HFM1: variants seen among roughly 807,000 people sequenced by gnomAD.
HFM1 encodes helicase for meiosis 1.
A neutral mutation model predicts 192.1 loss-of-function variants in HFM1; 169 were observed. The observed-to-expected ratio is 0.88, with a 90% CI of 0.78 to 1.00. HFM1 has a LOEUF of 1.00. Among genes scored for constraint, HFM1 ranks in the 50% least tolerant of loss-of-function variants. HFM1 has a pLI of 0.00. For synonymous variants in HFM1, 525 were observed against 537.8 expected (o/e 0.98, Z 0.33); for missense variants, 1,661 against 1,668.0 (o/e 1.00, Z 0.07).
intron 13 of HFM1, among the ~76,000 whole-genome samples, chr1:91,363,401 G>GAC (rs200498676): frequency 1.8e-3 from 1 of 564 alleles, no homozygotes; most frequent in African/African-American, 2.8e-3. Context: ...TTCAAAAGAT[G>GAC]ACACACGTGG....
chr1:91,308,856 AG>A (rs1650026549), intron 30 of HFM1, among the ~76,000 whole-genome samples: 1 of 152,206 alleles, frequency 6.6e-6, no homozygotes, highest in South Asian at 2.1e-4. Context: ...AAACATGGTG[AG>A]TGGCTGATCA....
At chr1:91,371,273 C>T (rs1315244324) in intron 13 of HFM1, among the ~76,000 whole-genome samples, 2 of 149,666 alleles carry the variant, frequency 1.3e-5, no homozygotes, top group Non-Finnish European at 3.0e-5. Context: ...AAAAAGAGCC[C>T]GCATTGCCAA....
At chr1:91,347,950 CA>C (rs1485788312) in intron 18 of HFM1, among the ~76,000 whole-genome samples, 1 of 152,030 alleles carries the variant, frequency 6.6e-6, no homozygotes, top group Non-Finnish European at 1.5e-5. Flanking sequence ...TTCCTTTCAT[CA>C]AAAGATTTAT....
intron 32 of HFM1, among the ~76,000 whole-genome samples, chr1:91,276,252 G>A (rs281960): frequency 1 from 152,079 of 152,260 alleles, 75,949 homozygotes; most frequent in Non-Finnish European, 1. Context: ...TACCTTTTCT[G>A]TCTAAACTTA....
At chr1:91,303,179 T>A (rs758414188) in intron 30 of HFM1, among the ~76,000 whole-genome samples, 2 of 152,164 alleles carry the variant, frequency 1.3e-5, no homozygotes, top group Non-Finnish European at 2.9e-5. Context: ...CATTCCTCAT[T>A]TATTCCTGCC....
At chr1:91,365,834 T>C (rs1202404029) in intron 13 of HFM1, among the ~76,000 whole-genome samples, 4 of 152,064 alleles carry the variant, frequency 2.6e-5, no homozygotes, top group Non-Finnish European at 2.9e-5. Context: ...GGTGAGATGA[T>C]TGATTCTCAC....
chr1:91,345,770 T>C (rs1232114948), intron 19 of HFM1, among the ~76,000 whole-genome samples: 2 of 152,146 alleles, frequency 1.3e-5, no homozygotes, highest in African/African-American at 4.8e-5. Context: ...GGTGGAATGG[T>C]CCTGTCTCAT....
chr1:91,385,164 A>C, intron 6 of HFM1, 23 bp downstream of exon 6: 1 of 1,351,320 alleles, frequency 7.4e-7, no homozygotes, highest in South Asian at 1.3e-5. Context: ...CAAAGCAGCT[A>C]TTGTAAATAA....
chr1:91,306,349 CA>C, intron 30 of HFM1, among the ~76,000 whole-genome samples: 1 of 152,236 alleles, frequency 6.6e-6, no homozygotes, highest in Non-Finnish European at 1.5e-5. Flanking sequence ...AAAAACAAAA[CA>C]AAACAAAAGA....
chr1:91,319,297 T>G lies in HFM1; in HGVS notation c.2676A>C (p.Thr892=), dbSNP rs373767198. 4 of 1,608,638 alleles carry G rather than the reference T, an allele frequency of 2.5e-6. No homozygotes were observed. The highest frequency in any genetic ancestry group is 3.4e-6 in the Non-Finnish European group (4 of 1,175,218). The change falls in exon 24 of 39, where the codon ACA becomes ACC. Residue 892 remains threonine (T), a synonymous_variant. Coordinates refer to ENST00000370425, the MANE Select transcript of HFM1 (RefSeq NM_001017975.6). ...TCCACTAATCCTGTAACATACATCTTGTAATTCGGGAGCCATGTCTGAAAA... is the reference window on the plus strand; with the variant it reads ...TCCACTAATCCTGTAACATACATCTGGTAATTCGGGAGCCATGTCTGAAAA... ...AKIFRHGSRI[T]RWLSDFVAAQ... is the part of the protein sequence containing the mutation.
intron 20 of HFM1, chr1:91,329,251 A>G (rs1653438173): frequency 3.1e-6 from 5 of 1,609,584 alleles, no homozygotes; most frequent in Non-Finnish European, 2.5e-6. Flanking sequence ...CTGGGCCCAG[A>G]GTCTGTGGAG....
chr1:91,398,047 C>T (rs2102185501), intron 2 of HFM1, among the ~76,000 whole-genome samples: 1 of 152,338 alleles, frequency 6.6e-6, no homozygotes, highest in African/African-American at 2.4e-5. Context: ...TAGTAAGCCA[C>T]TGTTGTCAGT....
At chr1:91,313,644 TATG>T (rs1469594901) in intron 29 of HFM1, 149 bp from the exon 30 acceptor site, 11 of 454,708 alleles carry the variant, frequency 2.4e-5, no homozygotes, top group South Asian at 1.0e-4. Flanking sequence ...GGTTAAAAAA[TATG>T]ACAACTAAAA....
intron 4 of HFM1, among the ~76,000 whole-genome samples, chr1:91,393,809 T>G (rs1000601228): frequency 2.0e-5 from 3 of 152,184 alleles, no homozygotes; most frequent in Non-Finnish European, 2.9e-5. Context: ...CAAACTTTTG[T>G]GTGCATAATA....
intron 13 of HFM1, among the ~76,000 whole-genome samples, chr1:91,358,809 G>A (rs1341802858): frequency 6.6e-6 from 1 of 152,142 alleles, no homozygotes; most frequent in African/African-American, 2.4e-5. Context: ...CCACTGACTG[G>A]GTGAGACATC....
intron 30 of HFM1, among the ~76,000 whole-genome samples, chr1:91,305,816 C>T (rs1035088586): frequency 6.6e-6 from 1 of 152,104 alleles, no homozygotes; most frequent in African/African-American, 2.4e-5. Flanking sequence ...GATCCTCCTA[C>T]CTCGGCCTCC....
chr1:91,278,566 A>G (rs1466228435), intron 30 of HFM1, among the ~76,000 whole-genome samples: 1 of 152,146 alleles, frequency 6.6e-6, no homozygotes, highest in African/African-American at 2.4e-5. Context: ...AGAGCTTGAA[A>G]ACTTTACAAC....
chr1:91,271,603 A>G (rs1666300283), intron 34 of HFM1, among the ~76,000 whole-genome samples: 1 of 152,114 alleles, frequency 6.6e-6, no homozygotes. Context: ...GTCCCAGGGA[A>G]AGCAGGATTG....
At chr1:91,302,313 G>C (rs1648913217) in intron 30 of HFM1, among the ~76,000 whole-genome samples, 2 of 151,886 alleles carry the variant, frequency 1.3e-5, no homozygotes, top group African/African-American at 4.8e-5. Flanking sequence ...GGAGAAATAG[G>C]AACACTTTTA....
Sources: gnomAD v4.1 joint callset for allele counts (sites outside exome capture counted in the v4.1 genomes callset) on GRCh38, gnomAD v4.1.1 for gene constraint, MANE v1.5 for transcripts, NCBI Gene and HGNC (gene_info 2026-07-23, HGNC 2026-07-21) for gene names.